Variants in NBAS observed in about 807,000 individuals in gnomAD.
NBAS encodes NAG/BC035112 fusion.
A neutral mutation model predicts 302.5 loss-of-function variants in NBAS; 219 were observed. That is an observed-to-expected ratio of 0.72 (90% CI 0.65 to 0.81). The LOEUF (loss-of-function observed/expected upper bound fraction) is 0.81. Ranked by LOEUF, NBAS falls within the 30% of genes least tolerant of loss-of-function variation. The pLI is 0.00. For synonymous variants in NBAS, 1,118 were observed against 1,021.6 expected, an observed-to-expected ratio of 1.09 and a Z score of -1.80; for missense variants, 2,932 against 2,841.6, an observed-to-expected ratio of 1.03 and a Z score of -0.72.
At chr2:15,543,173 A>AC (rs756679177) in intron 6 of NBAS, among the ~76,000 whole-genome samples, 27 of 151,936 alleles carry the variant, frequency 1.8e-4, no homozygotes, top group Non-Finnish European at 3.7e-4. Context: ...TCAAGTCTAT[A>AC]CCCCCCGACT....
intron 1 of NBAS, among the ~76,000 whole-genome samples, chr2:15,560,908 G>A (rs1227664677): frequency 6.6e-6 from 1 of 152,074 alleles, no homozygotes; most frequent in Non-Finnish European, 1.5e-5. Context: ...TACAGAGAGC[G>A]AAACTGAGAA....
At chr2:15,125,483 C>A in the NBAS span, among the ~76,000 whole-genome samples, 1 of 150,168 alleles carries the variant, frequency 6.7e-6, no homozygotes, top group Non-Finnish European at 1.5e-5. Context: ...CATGAGGGAT[C>A]CACTCCCATG....
At chr2:15,328,696 A>T (rs1672187853) in intron 36 of NBAS, among the ~76,000 whole-genome samples, 1 of 152,222 alleles carries the variant, frequency 6.6e-6, no homozygotes, top group Non-Finnish European at 1.5e-5. Context: ...TGCCCTCCTT[A>T]AAAATCCTTT....
At chr2:15,461,581 CAAAA>C in intron 20 of NBAS, 102 bp downstream of exon 20, 1 of 804,578 alleles carries the variant, frequency 1.2e-6, no homozygotes, top group Non-Finnish European at 2.0e-6. Context: ...AATATTAAAA[CAAAA>C]AAGAAAATGT....
the NBAS span, among the ~76,000 whole-genome samples, chr2:14,810,928 C>T: frequency 1.3e-5 from 2 of 152,096 alleles, no homozygotes; most frequent in African/African-American, 2.4e-5. Flanking sequence ...TTCTCCTCTG[C>T]CCAGAGCAGA....
intron 35 of NBAS, 129 bp downstream of exon 35, chr2:15,351,863 T>C: frequency 1.4e-6 from 1 of 697,532 alleles, no homozygotes; most frequent in Non-Finnish European, 2.6e-6. Flanking sequence ...AGAAAAGTGG[T>C]CTGCATGCAC....
chr2:15,098,538 A>T, the NBAS span, among the ~76,000 whole-genome samples: 1 of 126,428 alleles, frequency 7.9e-6, no homozygotes, highest in Non-Finnish European at 1.6e-5. Flanking sequence ...TATATTATGT[A>T]TTGTATATAA....
the NBAS span, among the ~76,000 whole-genome samples, chr2:15,103,109 C>T: frequency 6.6e-6 from 1 of 152,028 alleles, no homozygotes; most frequent in Non-Finnish European, 1.5e-5. Flanking sequence ...TTAAGAAAAT[C>T]ACCATGTTTT....
At chr2:15,287,797 CA>C (rs1165121110) in intron 41 of NBAS, among the ~76,000 whole-genome samples, 5 of 150,514 alleles carry the variant, frequency 3.3e-5, no homozygotes, top group African/African-American at 5.0e-5. Flanking sequence ...ACATCCTGAG[CA>C]CCCCGTGTAG....
Position 15,351,972 on chromosome 2 carries a change from G to T in NBAS, c.4179+20C>A, listed in dbSNP as rs372739407. 3.6e-5 allele frequency: 56 copies of T among 1,566,820 alleles called. No homozygotes were observed. Among genetic ancestry groups the T allele is most frequent in the Non-Finnish European group, 4.6e-5 (52 of 1,137,950 alleles). ...CACTCTCAGCCACCTTTCAAACTCC[G>T]CTCCCTCATTTTAACTTACCTCTTG... On this transcript the variant is annotated intron_variant, in intron 35 of 51. Transcript: ENST00000281513.
chr2:14,864,438 G>A, the NBAS span, among the ~76,000 whole-genome samples: 1 of 152,064 alleles, frequency 6.6e-6, no homozygotes, highest in Non-Finnish European at 1.5e-5. Flanking sequence ...CCAGGTAGTG[G>A]CACAGGTACA....
chr2:15,201,111 G>T (rs1394194265), intron 48 of NBAS, among the ~76,000 whole-genome samples: 1 of 152,176 alleles, frequency 6.6e-6, no homozygotes, highest in East Asian at 1.9e-4. Flanking sequence ...TCACAGAATA[G>T]TAATCACCAT....
chr2:14,923,927 G>A, the NBAS span, among the ~76,000 whole-genome samples: 1 of 152,136 alleles, frequency 6.6e-6, no homozygotes, highest in Non-Finnish European at 1.5e-5. Flanking sequence ...CAGGAGAGAT[G>A]CACAGTAATT....
the NBAS span, among the ~76,000 whole-genome samples, chr2:15,147,580 G>A: frequency 2.6e-5 from 4 of 151,894 alleles, no homozygotes; most frequent in African/African-American, 9.7e-5. Flanking sequence ...CAACAAGAGC[G>A]AAACTCCGTC....
chr2:14,954,100 C>A, the NBAS span, among the ~76,000 whole-genome samples: 1 of 152,274 alleles, frequency 6.6e-6, no homozygotes, highest in South Asian at 2.1e-4. Flanking sequence ...TTTGTGCATG[C>A]CAGACCCTCT....
At chr2:15,396,207 G>GT (rs1342680999) in intron 27 of NBAS, among the ~76,000 whole-genome samples, 1 of 152,070 alleles carries the variant, frequency 6.6e-6, no homozygotes, top group Non-Finnish European at 1.5e-5. Flanking sequence ...TTGAACGTAG[G>GT]TTTTCAAAGA....
At position 15,473,247 on chromosome 2, in the gene NBAS, T is replaced by C. The variant is rs1243177503; in HGVS notation, c.1700A>G (p.Asn567Ser). 2.5e-6 allele frequency: 4 copies of C among 1,614,084 alleles called. No individual in the cohort carries two copies. Among genetic ancestry groups the C allele is most frequent in the Non-Finnish European group, 3.4e-6 (4 of 1,179,924 alleles). Reference protein sequence around the residue: ...YQRQWRKSAVNVASIQNYLSK... With the variant: ...YQRQWRKSAVSVASIQNYLSK... ...CAAATAATTCTGAATTGAAGCAACG[T>C]TGACCGCTGACTTCCTCCACTGCCT... The change falls in exon 16 of 52, where the codon AAC becomes AGC. Residue 567 changes from asparagine to serine, a missense_variant. Asn to Ser is a conservative substitution (Grantham distance 46). Coordinates refer to ENST00000281513, the MANE Select transcript of NBAS (RefSeq NM_015909.4).
chr2:15,459,652 T>A (rs993570612), intron 21 of NBAS, among the ~76,000 whole-genome samples: 37 of 152,072 alleles, frequency 2.4e-4, no homozygotes, highest in African/African-American at 7.2e-4. Context: ...GCTAATTTTT[T>A]ATATTTTTAG....
chr2:15,351,858 A>G, intron 35 of NBAS, 134 bp downstream of exon 35: 1 of 715,592 alleles, frequency 1.4e-6, no homozygotes, highest in South Asian at 1.5e-5. Flanking sequence ...TGAAAAGAAA[A>G]GTGGTCTGCA....
Sources: allele counts gnomAD v4.1 joint callset (sites outside exome capture counted in the v4.1 genomes callset), GRCh38; gene constraint gnomAD v4.1.1; transcripts MANE v1.5; gene names NCBI Gene and HGNC (gene_info 2026-07-23, HGNC 2026-07-21).